The following PARD3B variants were observed in gnomAD, a reference collection of about 807,000 sequenced individuals.
PARD3B encodes the protein partitioning defective 3 homolog B.
Under a neutral mutation model 130.2 loss-of-function variants are expected in PARD3B, and 103 were observed. That is an observed-to-expected ratio of 0.79 (90% CI 0.67 to 0.93). The LOEUF (loss-of-function observed/expected upper bound fraction) is 0.93. Among genes scored for constraint, PARD3B ranks in the 40% least tolerant of loss-of-function variants. PARD3B has a pLI of 0.00. For missense variants in PARD3B, 1,609 were observed against 1,499.2 expected (o/e 1.07, Z -1.21); for synonymous variants, 583 against 553.2 (o/e 1.05, Z -0.76).
At chr2:205,499,759 C>A in intron 20 of PARD3B, 137 bp from the exon 21 acceptor site, 1 of 1,029,602 alleles carries the variant, frequency 9.7e-7, no homozygotes, top group Non-Finnish European at 1.4e-6. Context: ...ACTGATTTCA[C>A]CATTTTCCTG....
At position 205,067,095 on chromosome 2, in the gene PARD3B, C is replaced by CTTTTTTTTTTTTTTTT. The variant is rs10672449; in HGVS notation, c.504+19419_504+19434dup. Among the ~76,000 whole-genome samples the CTTTTTTTTTTTTTTTT allele has an allele frequency of 2.8e-3, 165 of 59,716 alleles. 28 individuals are homozygous for CTTTTTTTTTTTTTTTT. Among genetic ancestry groups the CTTTTTTTTTTTTTTTT allele is most frequent in the Non-Finnish European group, 3.5e-3 (114 of 32,126 alleles). The allele number at this position is 59,716 out of a possible 152,430, so 39.2% of individuals were successfully genotyped here. ...GCATCTTGCATCCACTTTTACTAGGCTTTTTTTTTTTTTTTTTTTTTTTTT... is the reference window on the plus strand; with the variant it reads ...GCATCTTGCATCCACTTTTACTAGGCTTTTTTTTTTTTTTTTTTTTTTTTTTTTTTTTTTTTTTTTT... On this transcript the variant is annotated intron_variant, in intron 4 of 22. Coordinates refer to ENST00000406610, the MANE Select transcript of PARD3B (RefSeq NM_001302769.2).
intron 4 of PARD3B, among the ~76,000 whole-genome samples, chr2:205,051,507 A>C (rs1699189748): frequency 6.6e-6 from 1 of 152,222 alleles, no homozygotes; most frequent in African/African-American, 2.4e-5. Context: ...AGAAGCTGTA[A>C]GGATGAATAT....
chr2:204,745,851 C>G (rs2040201209), intron 2 of PARD3B, among the ~76,000 whole-genome samples: 1 of 151,994 alleles, frequency 6.6e-6, no homozygotes, highest in South Asian at 2.1e-4. Flanking sequence ...TTGCTGAATT[C>G]CGCCATGGAC....
At chr2:204,897,480 AT>A (rs1186278595) in intron 2 of PARD3B, among the ~76,000 whole-genome samples, 1 of 145,072 alleles carries the variant, frequency 6.9e-6, no homozygotes, top group Non-Finnish European at 1.5e-5. Flanking sequence ...AACTCTGATT[AT>A]TTTTTTTCTT....
chr2:205,079,182 A>G (rs1336781728), intron 4 of PARD3B, among the ~76,000 whole-genome samples: 1 of 152,242 alleles, frequency 6.6e-6, no homozygotes, highest in African/African-American at 2.4e-5. Flanking sequence ...CATTGCATAG[A>G]TCTGTTCTTA....
At chr2:205,149,556 A>G (rs796371011) in intron 10 of PARD3B, among the ~76,000 whole-genome samples, 3 of 152,192 alleles carry the variant, frequency 2.0e-5, no homozygotes, top group African/African-American at 4.8e-5. Context: ...CATTCTGACC[A>G]ACTAAGTGTT....
At chr2:204,561,126 G>A (rs935370162) in intron 1 of PARD3B, among the ~76,000 whole-genome samples, 2 of 152,148 alleles carry the variant, frequency 1.3e-5, no homozygotes, top group African/African-American at 2.4e-5. Flanking sequence ...AGATGAAAGG[G>A]TTGGTGAGCA....
At chr2:205,184,109 C>T (rs77810707) in intron 13 of PARD3B, among the ~76,000 whole-genome samples, 3,501 of 152,152 alleles carry the variant, frequency 0.023, 130 homozygotes, top group African/African-American at 0.08. Context: ...CAAGGCCCAC[C>T]CCATTAGAGG....
chr2:204,630,436 G>T (rs2034637495), intron 1 of PARD3B, among the ~76,000 whole-genome samples: 1 of 151,468 alleles, frequency 6.6e-6, no homozygotes, highest in South Asian at 2.1e-4. Flanking sequence ...AATATTTGTG[G>T]ATATTTATGT....
At position 205,555,568 on chromosome 2, in the gene PARD3B, A is replaced by G. The variant is rs76907503; in HGVS notation, c.3260+2165A>G. On this transcript the variant is annotated intron_variant, in intron 22 of 22. Transcript: ENST00000406610. ...GTTTTCTGTCAAAGATAATACATTT[A>G]TGCTGTTTATGGCTCTTTATGAATG... Among the ~76,000 whole-genome samples, 489 of 152,344 alleles carry G rather than the reference A, an allele frequency of 3.2e-3. 20 individuals are homozygous for G. The East Asian group carries it at 0.073, about 23-fold the overall frequency.
chr2:205,112,789 G>C (rs936044912), intron 5 of PARD3B, among the ~76,000 whole-genome samples: 4 of 151,998 alleles, frequency 2.6e-5, no homozygotes, highest in Admixed American at 2.6e-4. Context: ...TCCTTAATCA[G>C]GGGTAGGTTA....
intron 18 of PARD3B, among the ~76,000 whole-genome samples, chr2:205,319,207 A>T (rs529537925): frequency 2.4e-4 from 36 of 152,276 alleles, no homozygotes; most frequent in African/African-American, 7.0e-4. Context: ...TAGAGCACTG[A>T]GCAACCATGC....
At chr2:204,927,165 G>A (rs1313737383) in intron 2 of PARD3B, among the ~76,000 whole-genome samples, 2 of 152,066 alleles carry the variant, frequency 1.3e-5, no homozygotes, top group Non-Finnish European at 2.9e-5. Flanking sequence ...AGATGTAATA[G>A]GACTAATGCA....
At chr2:205,235,710 T>A (rs2039032576) in intron 15 of PARD3B, among the ~76,000 whole-genome samples, 2 of 152,210 alleles carry the variant, frequency 1.3e-5, no homozygotes, top group South Asian at 4.1e-4. Flanking sequence ...CTCAGAACAG[T>A]ACACAATTTA....
At chr2:205,266,254 C>T (rs151033559) in intron 16 of PARD3B, among the ~76,000 whole-genome samples, 12 of 152,106 alleles carry the variant, frequency 7.9e-5, no homozygotes, top group Non-Finnish European at 1.8e-4. Flanking sequence ...CTGTTTAACT[C>T]GACACAGAAA....
intron 2 of PARD3B, among the ~76,000 whole-genome samples, chr2:204,711,731 AGAGATGGGGTTTC>A (rs1167451666): frequency 7.2e-5 from 11 of 152,024 alleles, no homozygotes; most frequent in Non-Finnish European, 1.3e-4. Flanking sequence ...TATTTTCAGT[AGAGATGGGGTTTC>A]GCCATGTTGA....
intron 4 of PARD3B, among the ~76,000 whole-genome samples, chr2:205,058,568 G>C (rs1221191053): frequency 6.6e-6 from 1 of 151,930 alleles, no homozygotes; most frequent in Non-Finnish European, 1.5e-5. Context: ...CATTGCACAA[G>C]AGTTCCAGTT....
At chr2:205,354,013 T>C (rs1383864922) in intron 18 of PARD3B, among the ~76,000 whole-genome samples, 3 of 75,084 alleles carry the variant, frequency 4.0e-5, no homozygotes. Flanking sequence ...TCTTTCTTTT[T>C]TCTTTTCTTT....
chr2:204,990,719 G>T (rs1206797674), intron 3 of PARD3B, among the ~76,000 whole-genome samples: 1 of 152,002 alleles, frequency 6.6e-6, no homozygotes, highest in Non-Finnish European at 1.5e-5. Context: ...TGATGACCAG[G>T]AATTGTTGAT....
Sources: gnomAD v4.1 joint callset for allele counts (sites outside exome capture counted in the v4.1 genomes callset) on GRCh38, gnomAD v4.1.1 for gene constraint, MANE v1.5 for transcripts, NCBI Gene and HGNC (gene_info 2026-07-23, HGNC 2026-07-21) for gene names.